The following LSAMP variants were observed in gnomAD, a reference collection of about 807,000 sequenced individuals.
LSAMP encodes the protein limbic system-associated membrane protein.
In LSAMP, 7 loss-of-function variants were observed where a neutral mutation model predicts 38.6. The ratio of observed to expected loss-of-function variants is 0.18; its 90% CI spans 0.10 to 0.34. LSAMP has a LOEUF of 0.34. Among genes scored for constraint, LSAMP ranks in the 10% least tolerant of loss-of-function variants. LSAMP has a pLI of 1.00. For synonymous variants in LSAMP, 154 were observed against 166.8 expected, an observed-to-expected ratio of 0.92 and a Z score of 0.59; for missense variants, 313 against 420.0, an observed-to-expected ratio of 0.75 and a Z score of 2.23.
intron 1 of LSAMP, among the ~76,000 whole-genome samples, chr3:116,129,822 C>T (rs953718940): frequency 5.9e-5 from 9 of 152,172 alleles, no homozygotes; most frequent in East Asian, 1.9e-4. Flanking sequence ...TCCAGCCCTT[C>T]GGGGATGTAC....
chr3:116,278,191 CA>C (rs1163900196), intron 1 of LSAMP, among the ~76,000 whole-genome samples: 1 of 152,066 alleles, frequency 6.6e-6, no homozygotes, highest in African/African-American at 2.4e-5. Flanking sequence ...CTTTGGGGAG[CA>C]AAAAATGTCA....
At chr3:115,985,736 A>G (rs1440147827) in intron 3 of LSAMP, among the ~76,000 whole-genome samples, 10 of 152,174 alleles carry the variant, frequency 6.6e-5, no homozygotes. Context: ...GAAGTCCCAC[A>G]TGGTGAGGAA....
intron 1 of LSAMP, among the ~76,000 whole-genome samples, chr3:116,164,665 ATCCAAATATATATATAT>A (rs1709994353): frequency 7.7e-6 from 1 of 130,474 alleles, no homozygotes; most frequent in Non-Finnish European, 1.6e-5. Flanking sequence ...TATATATATA[ATCCAAATATATATATAT>A]AATCCAAATA....
chr3:116,086,222 G>A, intron 2 of LSAMP, 102 bp downstream of exon 2: 1 of 945,420 alleles, frequency 1.1e-6, no homozygotes, highest in South Asian at 1.5e-5. Flanking sequence ...AATATCTTTG[G>A]GAATATTTCT....
At chr3:116,413,249 A>G (rs974627926) in intron 1 of LSAMP, among the ~76,000 whole-genome samples, 6 of 151,878 alleles carry the variant, frequency 4.0e-5, no homozygotes, top group Non-Finnish European at 5.9e-5. Flanking sequence ...GACATTATAT[A>G]TATATATATA....
At chr3:116,427,109 CTTTTTTTTTTTT>C (rs758726064) in intron 1 of LSAMP, among the ~76,000 whole-genome samples, 4 of 95,396 alleles carry the variant, frequency 4.2e-5, no homozygotes, top group African/African-American at 1.1e-4. Context: ...CTCTTTCTTT[CTTTTTTTTTTTT>C]TTTTTTTTTT....
chr3:116,063,247 T>C (rs1486793386), intron 2 of LSAMP, among the ~76,000 whole-genome samples: 1 of 152,192 alleles, frequency 6.6e-6, no homozygotes, highest in Non-Finnish European at 1.5e-5. Flanking sequence ...TATTTTACAA[T>C]AGAAATTGCT....
intron 6 of LSAMP, among the ~76,000 whole-genome samples, chr3:115,820,939 T>A (rs1053106038): frequency 1.6e-4 from 24 of 152,318 alleles, no homozygotes; most frequent in Admixed American, 9.1e-4. Flanking sequence ...TCCCAAATCC[T>A]GGCAGGTAGA....
At chr3:116,409,893 T>G (rs1236125697) in intron 1 of LSAMP, among the ~76,000 whole-genome samples, 1 of 152,078 alleles carries the variant, frequency 6.6e-6, no homozygotes, top group Non-Finnish European at 1.5e-5. Context: ...AGAGAATTAT[T>G]GGCACGTTTA....
At chr3:116,279,266 T>C (rs940141718) in intron 1 of LSAMP, among the ~76,000 whole-genome samples, 4 of 152,292 alleles carry the variant, frequency 2.6e-5, no homozygotes, top group Middle Eastern at 3.4e-3. Flanking sequence ...AAGGAGTTCC[T>C]CTTTAGAGGA....
intron 1 of LSAMP, among the ~76,000 whole-genome samples, chr3:116,290,379 T>C (rs1268987305): frequency 6.6e-6 from 1 of 152,146 alleles, no homozygotes; most frequent in Non-Finnish European, 1.5e-5. Flanking sequence ...AATTGAAATC[T>C]GTAAGTTGAA....
chr3:116,142,218 G>C (rs1259432858), intron 1 of LSAMP, among the ~76,000 whole-genome samples: 1 of 152,034 alleles, frequency 6.6e-6, no homozygotes, highest in Non-Finnish European at 1.5e-5. Flanking sequence ...ACATTGAAAA[G>C]TTGTTAATTG....
At chr3:116,389,778 C>T (rs1248072623) in intron 1 of LSAMP, among the ~76,000 whole-genome samples, 1 of 151,992 alleles carries the variant, frequency 6.6e-6, no homozygotes, top group Non-Finnish European at 1.5e-5. Context: ...GACTTCTGAA[C>T]CTAGAACATA....
chr3:116,220,182 C>T (rs1274073433), intron 1 of LSAMP, among the ~76,000 whole-genome samples: 2 of 33,100 alleles, frequency 6.0e-5, no homozygotes, highest in Admixed American at 4.9e-4. Flanking sequence ...GACTCCATCT[C>T]AAAACACACA....
intron 1 of LSAMP, among the ~76,000 whole-genome samples, chr3:116,113,478 T>TGCA (rs1048433515): frequency 1.6e-5 from 2 of 125,422 alleles, no homozygotes; most frequent in Non-Finnish European, 3.2e-5. Context: ...CAGGCTGGAG[T>TGCA]GCAGTGGCGG....
intron 6 of LSAMP, among the ~76,000 whole-genome samples, chr3:115,834,359 T>C (rs2107489719): frequency 6.6e-6 from 1 of 152,250 alleles, no homozygotes; most frequent in South Asian, 2.1e-4. Context: ...TGAAGATGAG[T>C]CAGATAATAG....
chr3:115,929,316 A>C (rs1937544140), intron 3 of LSAMP, among the ~76,000 whole-genome samples: 1 of 152,208 alleles, frequency 6.6e-6, no homozygotes, highest in Non-Finnish European at 1.5e-5. Flanking sequence ...GAGGCAGGAA[A>C]TGTCTGAAAG....
At chr3:116,274,526 C>G (rs975968240) in intron 1 of LSAMP, among the ~76,000 whole-genome samples, 13 of 152,078 alleles carry the variant, frequency 8.5e-5, no homozygotes, top group African/African-American at 2.4e-4. Context: ...AAACCATGTG[C>G]TATAATTTCA....
At chr3:116,258,003 A>C (rs546282699) in intron 1 of LSAMP, among the ~76,000 whole-genome samples, 2 of 152,298 alleles carry the variant, frequency 1.3e-5, no homozygotes, top group South Asian at 4.1e-4. Context: ...CAAAATTAAT[A>C]ACCAGGCAAT....
Sources: gnomAD v4.1 joint callset for allele counts (sites outside exome capture counted in the v4.1 genomes callset) on GRCh38, gnomAD v4.1.1 for gene constraint, MANE v1.5 for transcripts, NCBI Gene and HGNC (gene_info 2026-07-23, HGNC 2026-07-21) for gene names.